The following TMEM132D variants were observed in gnomAD, a reference collection of about 807,000 sequenced individuals.
The protein encoded by TMEM132D is transmembrane protein 132D.
TMEM132D carries 21 observed loss-of-function variants against 62.3 expected under a neutral mutation model. The observed-to-expected ratio is 0.34, with a 90% CI of 0.24 to 0.49. TMEM132D has a LOEUF of 0.49. Ranked by LOEUF, TMEM132D falls within the 20% of genes least tolerant of loss-of-function variation. The pLI is 0.99. For synonymous variants in TMEM132D, 621 were observed against 575.6 expected, an observed-to-expected ratio of 1.08 and a Z score of -1.13; for missense variants, 1,346 against 1,402.8, an observed-to-expected ratio of 0.96 and a Z score of 0.65.
intron 3 of TMEM132D, among the ~76,000 whole-genome samples, chr12:129,440,012 C>G (rs970505691): frequency 1.3e-5 from 2 of 152,154 alleles, no homozygotes; most frequent in African/African-American, 4.8e-5. Flanking sequence ...CTATTTTGCT[C>G]TCATCCCAGA....
chr12:129,873,385 A>T (rs1412029100), intron 1 of TMEM132D, among the ~76,000 whole-genome samples: 2 of 152,170 alleles, frequency 1.3e-5, no homozygotes, highest in Non-Finnish European at 2.9e-5. Flanking sequence ...ATTTGCTGCA[A>T]CTCAAATAAG....
At chr12:129,193,173 A>G (rs1473690608) in intron 5 of TMEM132D, among the ~76,000 whole-genome samples, 2 of 152,038 alleles carry the variant, frequency 1.3e-5, no homozygotes, top group African/African-American at 2.4e-5. Flanking sequence ...AAAAAAAAAA[A>G]AAAAAGATAC....
At chr12:129,796,429 T>A (rs758306702) in intron 1 of TMEM132D, among the ~76,000 whole-genome samples, 2 of 152,204 alleles carry the variant, frequency 1.3e-5, no homozygotes, top group African/African-American at 4.8e-5. Flanking sequence ...TTTTTCTTAA[T>A]TTATGTGTGT....
chr12:129,677,703 C>A (rs1880665988), intron 2 of TMEM132D, among the ~76,000 whole-genome samples: 1 of 152,116 alleles, frequency 6.6e-6, no homozygotes, highest in Non-Finnish European at 1.5e-5. Context: ...AATAAACATC[C>A]CATGAACTTA....
intron 4 of TMEM132D, among the ~76,000 whole-genome samples, chr12:129,281,842 C>T (rs1348659522): frequency 2.0e-5 from 3 of 152,166 alleles, no homozygotes; most frequent in Middle Eastern, 3.2e-3. Flanking sequence ...CTCAAACCTC[C>T]TCAAACTACC....
chr12:129,596,432 C>T (rs945174810), intron 2 of TMEM132D, among the ~76,000 whole-genome samples: 1 of 151,994 alleles, frequency 6.6e-6, no homozygotes, highest in East Asian at 1.9e-4. Flanking sequence ...GTATTCTATG[C>T]ATTTTTTATA....
At chr12:129,717,923 T>G (rs1218084719) in intron 1 of TMEM132D, among the ~76,000 whole-genome samples, 1 of 152,160 alleles carries the variant, frequency 6.6e-6, no homozygotes, top group East Asian at 1.9e-4. Flanking sequence ...TTCCGGTCAG[T>G]GAGCCGTGCT....
In TMEM132D at chr12:129,191,940, C is replaced by T. The variant is rs529566077; in HGVS notation, c.1443+17580G>A. 2.6e-5 allele frequency among the ~76,000 whole-genome samples: 4 copies of T among 152,272 alleles called. No individual in the cohort carries two copies. In the South Asian group the frequency reaches 6.2e-4, roughly 24 times the overall value. On this transcript the variant is annotated intron_variant, in intron 5 of 8. Coordinates refer to ENST00000422113, the MANE Select transcript of TMEM132D (RefSeq NM_133448.3). ...CTTGTTAAATTATTTATGTTTATGC[C>T]AAAGACTCTTCATTCAAATCAGTTA...
intron 5 of TMEM132D, among the ~76,000 whole-genome samples, chr12:129,113,744 G>A (rs895627562): frequency 6.6e-6 from 1 of 151,982 alleles, no homozygotes; most frequent in Non-Finnish European, 1.5e-5. Context: ...AGAGATAAGA[G>A]TCATCTCCTT....
chr12:129,850,977 C>T (rs1381386532), intron 1 of TMEM132D, among the ~76,000 whole-genome samples: 2 of 152,150 alleles, frequency 1.3e-5, no homozygotes, highest in African/African-American at 4.8e-5. Flanking sequence ...ATCCAGTCAT[C>T]AGCAGTTATT....
At chr12:129,448,227 CTTCTCTT>C (rs1237902542) in intron 3 of TMEM132D, among the ~76,000 whole-genome samples, 6 of 152,152 alleles carry the variant, frequency 3.9e-5, no homozygotes, top group Non-Finnish European at 5.9e-5. Flanking sequence ...ATGATTTTTT[CTTCTCTT>C]TTCTAAGTTA....
chr12:129,852,570 A>C (rs184449093), intron 1 of TMEM132D: 2 of 152,336 alleles, frequency 1.3e-5, no homozygotes, highest in Admixed American at 1.3e-4. Context: ...AAATAAAAAA[A>C]AACAATGTAC....
At chr12:129,498,218 A>G (rs552699429) in intron 3 of TMEM132D, among the ~76,000 whole-genome samples, 2 of 151,370 alleles carry the variant, frequency 1.3e-5, no homozygotes, top group South Asian at 4.2e-4. Flanking sequence ...CAGGGGTTTA[A>G]GCTCCAAGAT....
At chr12:129,205,139 A>G (rs1878807414) in intron 5 of TMEM132D, among the ~76,000 whole-genome samples, 1 of 151,994 alleles carries the variant, frequency 6.6e-6, no homozygotes, top group South Asian at 2.1e-4. Context: ...AACAACATGA[A>G]GACAGGATCA....
intron 1 of TMEM132D, among the ~76,000 whole-genome samples, chr12:129,789,737 G>A (rs1747928740): frequency 6.6e-6 from 1 of 152,106 alleles, no homozygotes; most frequent in South Asian, 2.1e-4. Flanking sequence ...CAGCAGACAG[G>A]GATTGGGACA....
intron 2 of TMEM132D, among the ~76,000 whole-genome samples, chr12:129,603,044 C>T (rs1878524217): frequency 2.0e-5 from 3 of 152,160 alleles, no homozygotes; most frequent in Non-Finnish European, 2.9e-5. Context: ...CTCCCTCGCA[C>T]AACACATGGG....
chr12:129,360,907 T>C (rs1169862908), intron 3 of TMEM132D, among the ~76,000 whole-genome samples: 2 of 152,140 alleles, frequency 1.3e-5, no homozygotes, highest in Admixed American at 6.5e-5. Flanking sequence ...CTCCTCCTTG[T>C]GTAGGCTCAC....
chr12:129,323,648 A>G (rs1191633488), intron 4 of TMEM132D, among the ~76,000 whole-genome samples: 1 of 152,202 alleles, frequency 6.6e-6, no homozygotes, highest in Admixed American at 6.5e-5. Flanking sequence ...AAAGCTTTAA[A>G]TCTTAGCTGA....
At chr12:129,828,758 A>G (rs1335240645) in intron 1 of TMEM132D, among the ~76,000 whole-genome samples, 5 of 9,974 alleles carry the variant, frequency 5.0e-4, no homozygotes, top group Non-Finnish European at 1.1e-3. Flanking sequence ...GAGGGAGGAA[A>G]GGAGGGAGGG....
Sources: gnomAD v4.1 joint callset for allele counts (sites outside exome capture counted in the v4.1 genomes callset) on GRCh38, gnomAD v4.1.1 for gene constraint, MANE v1.5 for transcripts, NCBI Gene and HGNC (gene_info 2026-07-23, HGNC 2026-07-21) for gene names.